Variants in SEC14L5 observed in about 807,000 individuals in gnomAD.
SEC14L5 encodes the protein SEC14 like lipid binding 5, also known as SEC14-like protein 5.
In SEC14L5, 96 loss-of-function variants were observed where a neutral mutation model predicts 84.6. The ratio of observed to expected loss-of-function variants is 1.13; its 90% CI spans 0.96 to 1.34. SEC14L5 has a LOEUF of 1.34. Ranked by LOEUF, SEC14L5 falls within the 40% of genes most tolerant of loss-of-function variation. The pLI is 0.00. For synonymous variants in SEC14L5, 546 were observed against 383.4 expected (o/e 1.42, Z -4.95); for missense variants, 1,224 against 942.5 (o/e 1.30, Z -3.91).
chr16:4,988,114 CA>C, intron 3 of SEC14L5, 34 bp from the exon 4 acceptor site: 1 of 1,610,842 alleles, frequency 6.2e-7, no homozygotes, highest in Non-Finnish European at 8.5e-7. Context: ...CCACGCCGCC[CA>C]CCCACCTCCG....
intron 2 of SEC14L5, among the ~76,000 whole-genome samples, chr16:4,972,635 G>A (rs891085849): frequency 2.0e-5 from 3 of 152,180 alleles, no homozygotes; most frequent in African/African-American, 7.2e-5. Context: ...TGTCTTCCAG[G>A]TTCAGCCGTG....
At chr16:5,014,756 T>C in intron 15 of SEC14L5, 103 bp from the exon 16 acceptor site, 1 of 836,470 alleles carries the variant, frequency 1.2e-6, no homozygotes, top group East Asian at 2.5e-5. Flanking sequence ...CCTGGGGCCC[T>C]GGGGCCTGAT....
rs745736318 is a variant in SEC14L5 at position 5,000,660 on chromosome 16, C to G, written c.976C>G (p.Arg326Gly). ...GCTTGGCCCCATCCACAAAGATGGC[C>G]GCCCCCTCTACATCCTCCGCCTGGG... ...GGWHYQDIDGRPLYILRLGQM... is the reference protein window; with the variant it reads ...GGWHYQDIDGGPLYILRLGQM... Residue 326 changes from arginine to glycine, a missense_variant, in exon 9 of 16, where the codon CGC becomes GGC. By Grantham distance (125) the Arg-to-Gly change is moderately radical (BLOSUM62 -2). Coordinates refer to ENST00000251170, the MANE Select transcript of SEC14L5 (RefSeq NM_014692.2). The G allele has an allele frequency of 1.3e-6, 2 of 1,551,194 alleles. No homozygotes were observed. The highest frequency in any genetic ancestry group is 1.7e-6 in the Non-Finnish European group (2 of 1,146,940).
At position 4,965,616 on chromosome 16, in the gene SEC14L5, G is replaced by A. The variant is rs189464655; in HGVS notation, c.63+6230G>A. ...GCGGAGCTTGCACTGAGCCGAGATA[G>A]CACCACTGCACTCCAGCCTGGGCAA... On this transcript the variant is annotated intron_variant, in intron 2 of 15. Coordinates refer to ENST00000251170, the MANE Select transcript of SEC14L5 (RefSeq NM_014692.2). 6.3e-3 allele frequency among the ~76,000 whole-genome samples: 703 copies of A among 112,380 alleles called. 32 individuals carry two copies. The East Asian group carries it at 0.14, about 23-fold the overall frequency. 73.7% of individuals were successfully genotyped at this position (112,380 alleles called of 152,430 possible).
intron 10 of SEC14L5, among the ~76,000 whole-genome samples, chr16:5,003,039 A>G (rs1009365530): frequency 2.0e-5 from 3 of 152,252 alleles, no homozygotes; most frequent in Non-Finnish European, 2.9e-5. Context: ...ATAACCAGCT[A>G]TAATTGAGGG....
chr16:4,996,994 C>CT lies in SEC14L5; in HGVS notation c.921dup (p.Ala308CysfsTer59). The CT allele has an allele frequency of 1.9e-6, 3 of 1,613,356 alleles. No homozygotes were observed. The highest frequency in any genetic ancestry group is 2.5e-6 in the Non-Finnish European group (3 of 1,179,630). ...CTCCTCCTTCAGACCTGGCAACCCC[C>CT]TGCCCTGCTGGAGGAGTTCTATGCA... is the stretch of plus-strand genomic sequence containing the variant. On this transcript the variant is annotated frameshift_variant, in exon 8 of 16. Transcript: ENST00000251170. LOFTEE classifies it high-confidence loss of function.
chr16:5,013,215 C>T (rs925248336), intron 15 of SEC14L5, among the ~76,000 whole-genome samples: 2 of 152,242 alleles, frequency 1.3e-5, no homozygotes, highest in East Asian at 1.9e-4. Context: ...TAGAGCCAAA[C>T]CGTATCAGCC....
chr16:5,005,233 T>G (rs1955717349), intron 11 of SEC14L5, among the ~76,000 whole-genome samples: 1 of 151,824 alleles, frequency 6.6e-6, no homozygotes, highest in East Asian at 2.0e-4. Flanking sequence ...GAGAATCACT[T>G]GAACCTGGGA....
At chr16:4,966,122 T>A (rs1004537752) in intron 2 of SEC14L5, among the ~76,000 whole-genome samples, 1 of 152,148 alleles carries the variant, frequency 6.6e-6, no homozygotes, top group African/African-American at 2.4e-5. Context: ...TCCGCCACCA[T>A]GCCTGGCTAA....
At chr16:4,997,618 T>TTGTATG (rs1955626445) in intron 8 of SEC14L5, among the ~76,000 whole-genome samples, 1 of 152,074 alleles carries the variant, frequency 6.6e-6, no homozygotes, top group Non-Finnish European at 1.5e-5. Flanking sequence ...TGCATACATT[T>TTGTATG]TGTATGCATT....
At position 5,000,571 on chromosome 16, in the gene SEC14L5, C is replaced by T. The variant is rs889915598; in HGVS notation, c.971-84C>T. 7.8e-6 allele frequency: 8 copies of T among 1,027,256 alleles called. No individual in the cohort carries two copies. The African/African-American group carries it at 1.3e-4, about 16-fold the overall frequency. 63.6% of individuals were successfully genotyped at this position (1,027,256 alleles called of 1,614,324 possible). A position where few individuals can be genotyped will look rare whatever the true frequency, so the allele number is the denominator to read the frequency against. ...TGGGTTGCAGCCTGAGGAGGTGAAG[C>T]TCTCACCTGCAGCTGTGACCTGCCC... On this transcript the variant is annotated intron_variant, in intron 8 of 15. Coordinates refer to ENST00000251170, the MANE Select transcript of SEC14L5 (RefSeq NM_014692.2).
In SEC14L5 at chr16:5,008,590, G is replaced by A. The variant is rs142459835; in HGVS notation, c.1742G>A (p.Gly581Asp). ...GQLIDKGWVL[G>D]RDYSRVEAPL... ...CTGATCGACAAAGGCTGGGTCCTGGGCAGGGATTACAGCCGTGTGGAGGCT... is the reference window on the plus strand; with the variant it reads ...CTGATCGACAAAGGCTGGGTCCTGGACAGGGATTACAGCCGTGTGGAGGCT... Residue 581 changes from glycine to aspartate, a missense_variant, in exon 14 of 16, where the codon GGC becomes GAC. Gly to Asp is a moderately conservative substitution (Grantham distance 94). Coordinates refer to ENST00000251170, the MANE Select transcript of SEC14L5 (RefSeq NM_014692.2). 4.8e-5 allele frequency: 77 copies of A among 1,607,116 alleles called. No homozygotes were observed. The African/African-American group carries it at 8.5e-4, about 18-fold the overall frequency.
Position 4,997,084 on chromosome 16 carries a change from G to A in SEC14L5, c.970+40G>A, listed in dbSNP as rs562731966. 2.7e-6 allele frequency: 4 copies of A among 1,455,216 alleles called. No homozygotes were observed. In the African/African-American group the frequency reaches 5.7e-5, roughly 21 times the overall value. 90.1% of individuals were successfully genotyped at this position (1,455,216 alleles called of 1,614,324 possible). A position where few individuals can be genotyped will look rare whatever the true frequency, so the allele number is the denominator to read the frequency against. ...CCACATCATGTATAGGGCATACTTTGGTCACTGCCAAATGCACTTTATTTA... is the reference window on the plus strand; with the variant it reads ...CCACATCATGTATAGGGCATACTTTAGTCACTGCCAAATGCACTTTATTTA... On this transcript the variant is annotated intron_variant, in intron 8 of 15. Coordinates refer to ENST00000251170, the MANE Select transcript of SEC14L5 (RefSeq NM_014692.2).
chr16:4,998,003 C>CCTTT lies in SEC14L5; in HGVS notation c.970+959_970+960insCTTT, dbSNP rs1555530444. Among the ~76,000 whole-genome samples the CCTTT allele has an allele frequency of 1.8e-3, 144 of 77,896 alleles. 53 individuals carry two copies. Among genetic ancestry groups the CCTTT allele is most frequent in the Non-Finnish European group, 1.2e-3 (47 of 37,840 alleles). 51.1% of individuals were successfully genotyped at this position (77,896 alleles called of 152,430 possible). On this transcript the variant is annotated intron_variant, in intron 8 of 15. Transcript: ENST00000251170. ...AATTACACCTGCACAGACTCTAGTT[C>CCTTT]TTTTTTTTTTTTTTTTTTGAGACAG...
chr16:5,012,691 G>A (rs769550243), intron 15 of SEC14L5, among the ~76,000 whole-genome samples: 1 of 152,166 alleles, frequency 6.6e-6, no homozygotes, highest in African/African-American at 2.4e-5. Context: ...GATCATCTGT[G>A]GTCAAGAGTT....
intron 12 of SEC14L5, 50 bp downstream of exon 12, chr16:5,006,098 C>A (rs376446578): frequency 6.3e-7 from 1 of 1,595,124 alleles, no homozygotes; most frequent in East Asian, 2.2e-5. Context: ...AGGGGGCATG[C>A]CTAGCTGGGA....
At chr16:4,982,026 G>A (rs1477437789) in intron 2 of SEC14L5, among the ~76,000 whole-genome samples, 1 of 152,166 alleles carries the variant, frequency 6.6e-6, no homozygotes, top group Non-Finnish European at 1.5e-5. Flanking sequence ...TCCCCATGGT[G>A]CATTCTCTGG....
intron 2 of SEC14L5, among the ~76,000 whole-genome samples, chr16:4,986,482 C>G (rs1408362799): frequency 6.6e-6 from 1 of 152,138 alleles, no homozygotes; most frequent in Non-Finnish European, 1.5e-5. Context: ...TATGAGTTCT[C>G]CAATTTTGCT....
chr16:4,976,176 C>A (rs1374311460), intron 2 of SEC14L5, among the ~76,000 whole-genome samples: 1 of 152,184 alleles, frequency 6.6e-6, no homozygotes, highest in African/African-American at 2.4e-5. Flanking sequence ...GAGCTGACTC[C>A]TTTATTCTTC....
Sources: allele counts gnomAD v4.1 joint callset (sites outside exome capture counted in the v4.1 genomes callset), GRCh38; gene constraint gnomAD v4.1.1; transcripts MANE v1.5; gene names NCBI Gene and HGNC (gene_info 2026-07-23, HGNC 2026-07-21).